Variants in TEX15 observed in about 807,000 individuals in gnomAD.
The protein encoded by TEX15 is testis-expressed protein 15.
A neutral mutation model predicts 237.3 loss-of-function variants in TEX15; 171 were observed. That is an observed-to-expected ratio of 0.72 (90% confidence interval 0.64 to 0.82). TEX15 has a LOEUF of 0.82. Among genes scored for constraint, TEX15 ranks in the 40% least tolerant of loss-of-function variants. TEX15 has a pLI of 0.00. For missense variants in TEX15, 3,750 were observed against 3,646.5 expected (o/e 1.03, Z -0.73); for synonymous variants, 1,338 against 1,269.8 (o/e 1.05, Z -1.14).
chr8:30,908,252 G>T (rs1455019580), intron 1 of TEX15, among the ~76,000 whole-genome samples: 1 of 151,920 alleles, frequency 6.6e-6, no homozygotes, highest in Non-Finnish European at 1.5e-5. Context: ...TAGAGGCAGG[G>T]CATTGCTATA....
intron 4 of TEX15, among the ~76,000 whole-genome samples, chr8:30,868,232 C>T (rs996628764): frequency 5.9e-5 from 9 of 151,954 alleles, no homozygotes. Flanking sequence ...AGATAATCCC[C>T]AATTCTATTA....
chr8:30,912,447 AG>A (rs1283439912), intron 1 of TEX15, among the ~76,000 whole-genome samples: 1 of 152,162 alleles, frequency 6.6e-6, no homozygotes, highest in Non-Finnish European at 1.5e-5. Context: ...CTGCGCCTCC[AG>A]GGAGCCAGGG....
At chr8:30,898,299 C>T (rs954675693) in intron 2 of TEX15, among the ~76,000 whole-genome samples, 8 of 152,082 alleles carry the variant, frequency 5.3e-5, no homozygotes, top group African/African-American at 1.4e-4. Context: ...ATGATTAAGT[C>T]GAGAACAGAC....
Position 30,843,646 on chromosome 8 carries a change from T to C in TEX15, c.6521A>G (p.Asn2174Ser), listed in dbSNP as rs1807518072. ...YVFLKYKRQV[N>S]ECEAIMEHCS... ...ATGCTCCATTATGGCTTCACATTCA[T>C]TAACCTGTCGTTTGTACTTTAAGAA... Residue 2174 changes from asparagine to serine, a missense_variant, in exon 8 of 11, where the codon AAT becomes AGT. By Grantham distance (46) the Asn-to-Ser change is conservative. Transcript: ENST00000643185. 1.2e-6 allele frequency: 2 copies of C among 1,612,616 alleles called. No individual in the cohort carries two copies. Among genetic ancestry groups the C allele is most frequent in the African/African-American group, 1.3e-5 (1 of 74,908 alleles).
At chr8:30,839,317 A>C (rs1386603032) in intron 9 of TEX15, among the ~76,000 whole-genome samples, 1 of 152,192 alleles carries the variant, frequency 6.6e-6, no homozygotes, top group Non-Finnish European at 1.5e-5. Context: ...AAATGCGATA[A>C]AATCAAAATT....
intron 1 of TEX15, among the ~76,000 whole-genome samples, chr8:30,905,450 A>G (rs1313261331): frequency 6.6e-6 from 1 of 152,184 alleles, no homozygotes; most frequent in Non-Finnish European, 1.5e-5. Flanking sequence ...TCACCAAAAT[A>G]GAGTAATTTT....
At chr8:30,878,657 G>C (rs183863167) in intron 3 of TEX15, among the ~76,000 whole-genome samples, 2 of 152,232 alleles carry the variant, frequency 1.3e-5, no homozygotes, top group East Asian at 3.9e-4. Flanking sequence ...AAAGTGCTGG[G>C]AATACATGCG....
chr8:30,898,418 C>T (rs1160920916), intron 2 of TEX15, among the ~76,000 whole-genome samples: 1 of 152,130 alleles, frequency 6.6e-6, no homozygotes, highest in Admixed American at 6.5e-5. Context: ...AGAAAGCACC[C>T]ATCATCCCAG....
chr8:30,862,663 T>C (rs954812135), intron 5 of TEX15, among the ~76,000 whole-genome samples: 1 of 152,218 alleles, frequency 6.6e-6, no homozygotes, highest in South Asian at 2.1e-4. Context: ...ACTGATTTTC[T>C]GTAGCTATAC....
At chr8:30,903,278 A>T (rs764076711) in intron 1 of TEX15, among the ~76,000 whole-genome samples, 3 of 152,220 alleles carry the variant, frequency 2.0e-5, no homozygotes, top group Non-Finnish European at 2.9e-5. Context: ...AATAATTTAC[A>T]TGTTTAAAAG....
In TEX15 at chr8:30,839,437, A is replaced by C. The variant is rs1183751800; in HGVS notation, c.8222+469T>G. On this transcript the variant is annotated intron_variant, in intron 9 of 10. Transcript: ENST00000643185. ...TCTTCAAAATGCACAAGTTAAAAAA[A>C]AAAGTAATCTTATCACTTGTCCTAT... Among the ~76,000 whole-genome samples the C allele has an allele frequency of 2.0e-5, 3 of 152,240 alleles. No individual in the cohort carries two copies. The East Asian group carries it at 5.8e-4, about 29-fold the overall frequency.
intron 5 of TEX15, among the ~76,000 whole-genome samples, chr8:30,864,028 T>C (rs1385171896): frequency 1.3e-5 from 2 of 151,864 alleles, no homozygotes; most frequent in Non-Finnish European, 2.9e-5. Context: ...GACTTTAAAA[T>C]AACTGTCTTA....
chr8:30,898,234 A>G (rs1025118093), intron 2 of TEX15, among the ~76,000 whole-genome samples: 1 of 152,190 alleles, frequency 6.6e-6, no homozygotes, highest in East Asian at 1.9e-4. Context: ...CGTGAAACTC[A>G]CATGTTGAAA....
intron 7 of TEX15, among the ~76,000 whole-genome samples, chr8:30,855,166 C>T (rs1392107647): frequency 6.6e-6 from 1 of 152,012 alleles, no homozygotes; most frequent in Admixed American, 6.6e-5. Context: ...TCTCTATTCA[C>T]AGATGACATG....
chr8:30,901,457 G>A (rs951642657), intron 1 of TEX15, among the ~76,000 whole-genome samples: 2 of 152,182 alleles, frequency 1.3e-5, no homozygotes, highest in African/African-American at 4.8e-5. Flanking sequence ...GAGATGCTAA[G>A]GATGTGTTTC....
Position 30,837,030 on chromosome 8 carries a change from T to C in TEX15, c.9254A>G (p.Gln3085Arg). ...GTACAGAAGATTAGAATGTGTGCCC[T>C]GGGCAGTACTTGCAACTGTGGTCAA... ...GLLTTVASTA[Q>R]GTHSNLLYSQ... Residue 3085 changes from glutamine to arginine, a missense_variant, in exon 10 of 11, where the codon CAG becomes CGG. Physicochemically the swap from Gln to Arg is conservative, Grantham distance 43. Transcript: ENST00000643185. The C allele has an allele frequency of 6.2e-7, 1 of 1,614,180 alleles. No homozygotes were observed. The highest frequency in any genetic ancestry group is 8.5e-7 in the Non-Finnish European group (1 of 1,180,028).
chr8:30,867,378 A>T lies in TEX15; in HGVS notation c.427T>A (p.Leu143Met). The change falls in exon 5 of 11, where the codon TTG (leucine) becomes ATG (methionine). Residue 143 changes from leucine (L) to methionine (M), a missense_variant. Transcript: ENST00000643185. Reference protein sequence around the residue: ...QNGISTRASTLKILGNPLLGI... With the variant: ...QNGISTRASTMKILGNPLLGI... ...AGAAGAGGATTTCCTAGTATCTTCA[A>T]TGTAGATGCTCTGGTACTTATTCCA... 1 of 1,526,542 alleles carries T rather than the reference A, an allele frequency of 6.6e-7. No individual in the cohort carries two copies. The highest frequency in any genetic ancestry group is 8.8e-7 in the Non-Finnish European group (1 of 1,138,478). The allele number at this position is 1,526,542 out of a possible 1,614,324, so 94.6% of individuals were successfully genotyped here.
chr8:30,887,262 T>G lies in TEX15; in HGVS notation c.41A>C (p.Gln14Pro), dbSNP rs953043675. ...CACGGGTTTGCTAGTTGAGCTCATT[T>G]GCCACAGTGTATCCTGTTTAGCAGT... The part of the protein sequence containing the change: ...KETAKQDTLW[Q>P]MSSTSKPVLN... The change falls in exon 3 of 11, where the codon CAA becomes CCA. Residue 14 changes from glutamine to proline, a missense_variant. Transcript: ENST00000643185. 1.3e-6 allele frequency: 2 copies of G among 1,535,936 alleles called. No homozygotes were observed. The highest frequency in any genetic ancestry group is 2.7e-5 in the African/African-American group (2 of 73,060).
At chr8:30,862,641 G>C (rs868687868) in intron 5 of TEX15, among the ~76,000 whole-genome samples, 1 of 152,118 alleles carries the variant, frequency 6.6e-6, no homozygotes, top group Non-Finnish European at 1.5e-5. Context: ...AAGGAGTTAT[G>C]CCACATGAAC....
Sources: allele counts gnomAD v4.1 joint callset (sites outside exome capture counted in the v4.1 genomes callset), GRCh38; gene constraint gnomAD v4.1.1; transcripts MANE v1.5; gene names NCBI Gene and HGNC (gene_info 2026-07-23, HGNC 2026-07-21).